Variants in ATR observed in about 807,000 individuals in gnomAD.
The protein encoded by ATR is serine/threonine-protein kinase ATR.
In ATR, 142 loss-of-function variants were observed where a neutral mutation model predicts 305.3. The observed-to-expected ratio is 0.47, with a 90% CI of 0.41 to 0.53. The LOEUF is 0.53. Among genes scored for constraint, ATR ranks in the 20% least tolerant of loss-of-function variants. The pLI, the probability that ATR is intolerant of heterozygous loss-of-function variation, is 0.00. For missense variants in ATR, 2,135 were observed against 3,133.1 expected (o/e 0.68, Z 7.60); for synonymous variants, 1,050 against 1,068.1 (o/e 0.98, Z 0.33).
rs758666784 is a variant in ATR at position 142,485,163 on chromosome 3, C to G, written c.6198G>C (p.Arg2066=). 2 of 1,614,104 alleles carry G rather than the reference C, an allele frequency of 1.2e-6. No homozygotes were observed. Among genetic ancestry groups the G allele is most frequent in the Non-Finnish European group, 8.5e-7 (1 of 1,180,010 alleles). Residue 2066 remains arginine (R), a synonymous_variant, in exon 36 of 47, where the codon CGG becomes CGC. Transcript: ENST00000350721. ...NKMEKQGDLI[R]YIVLHFGRSL... is the part of the protein sequence containing the mutation. Reference sequence around the variant, plus strand: ...ACCTGCCAAAATGAAGAACTATATACCGGATGAGATCACCTTGCTTTTCCA... The same window carrying G: ...ACCTGCCAAAATGAAGAACTATATAGCGGATGAGATCACCTTGCTTTTCCA...
chr3:142,481,529 A>T (rs2030484321), intron 36 of ATR, among the ~76,000 whole-genome samples: 1 of 152,192 alleles, frequency 6.6e-6, no homozygotes, highest in African/African-American at 2.4e-5. Context: ...GAAATCATAA[A>T]GCCAGTGGCT....
Position 142,562,530 on chromosome 3 carries a change from T to C in ATR, c.872A>G (p.Tyr291Cys). 1 of 1,613,802 alleles carries C rather than the reference T, an allele frequency of 6.2e-7. No individual in the cohort carries two copies. Among genetic ancestry groups the C allele is most frequent in the African/African-American group, 1.3e-5 (1 of 74,990 alleles). ...VEMDTDQLKLYEEPLSKLIKT... is the reference protein window; with the variant it reads ...VEMDTDQLKLCEEPLSKLIKT... ...TATCAGCTTTGATAATGGCTCTTCA[T>C]AGAGTTTCAATTGGTCAGTATCCAT... Residue 291 changes from tyrosine to cysteine, a missense_variant, in exon 4 of 47, where the codon TAT becomes TGT. This residue lies in a region of ATR where 744 missense variants were observed against 873.2 expected (regional missense o/e 0.85). Transcript: ENST00000350721.
At chr3:142,474,438 T>C (rs1015909985) in intron 36 of ATR, among the ~76,000 whole-genome samples, 4 of 152,182 alleles carry the variant, frequency 2.6e-5, no homozygotes, top group African/African-American at 7.2e-5. Context: ...TTTCATTGTA[T>C]AGGTCTTTTG....
chr3:142,493,090 A>G, intron 35 of ATR, 42 bp downstream of exon 35: 1 of 1,595,246 alleles, frequency 6.3e-7, no homozygotes. Context: ...CATTTTACGT[A>G]GTCAACAGAG....
rs746238491 is a variant in ATR, at chr3:142,550,316, C to A, written c.2806-14G>T. 6.2e-7 allele frequency: 1 copy of A among 1,612,848 alleles called. No individual in the cohort carries two copies. Among genetic ancestry groups the A allele is most frequent in the Admixed American group, 1.7e-5 (1 of 59,980 alleles). ...TTCTACCAAAAACTAGAGCAAAAAC[C>A]ATTTTATTGTGAGTTTTCACACAAA... On this transcript the variant is annotated splice_polypyrimidine_tract_variant and intron_variant, in intron 13 of 46. Coordinates refer to ENST00000350721, the MANE Select transcript of ATR (RefSeq NM_001184.4).
intron 1 of ATR, among the ~76,000 whole-genome samples, chr3:142,576,991 GCT>G (rs1453338474): frequency 6.6e-6 from 1 of 152,116 alleles, no homozygotes; most frequent in Non-Finnish European, 1.5e-5. Context: ...CTGAAACCTA[GCT>G]CTGTTATCTG....
intron 1 of ATR, among the ~76,000 whole-genome samples, chr3:142,573,217 G>A (rs1451116775): frequency 6.6e-6 from 1 of 151,598 alleles, no homozygotes; most frequent in African/African-American, 2.4e-5. Context: ...AGGCTGAGAC[G>A]GACTGATCAC....
At chr3:142,497,909 T>C (rs2031739322) in intron 32 of ATR, among the ~76,000 whole-genome samples, 1 of 152,170 alleles carries the variant, frequency 6.6e-6, no homozygotes, top group South Asian at 2.1e-4. Context: ...TTTTCCCCCT[T>C]GTATGATAGT....
At chr3:142,476,446 G>A (rs1287185420) in intron 36 of ATR, among the ~76,000 whole-genome samples, 2 of 151,886 alleles carry the variant, frequency 1.3e-5, no homozygotes. Flanking sequence ...CTGTTCCATT[G>A]GTCTATATCT....
intron 21 of ATR, among the ~76,000 whole-genome samples, chr3:142,528,429 T>C (rs1196214306): frequency 1.3e-5 from 2 of 152,154 alleles, no homozygotes; most frequent in Admixed American, 1.3e-4. Context: ...AATTATGGCA[T>C]TAAGCATTAA....
intron 18 of ATR, among the ~76,000 whole-genome samples, chr3:142,539,089 T>G (rs1484113657): frequency 1.3e-5 from 2 of 152,168 alleles, no homozygotes; most frequent in Non-Finnish European, 2.9e-5. Flanking sequence ...CAAGTGAACC[T>G]AACTAAATGT....
chr3:142,451,261 G>A lies in ATR; in HGVS notation c.7762-1659C>T. ...TGTGCAAGCTCCAGCTGTGGGACTG[G>A]CTAGCTGAGAGAAACAAACAGGGCC... is the stretch of plus-strand genomic sequence containing the variant. On this transcript the variant is annotated intron_variant, in intron 46 of 46. Coordinates refer to ENST00000350721, the MANE Select transcript of ATR (RefSeq NM_001184.4). 5.0e-6 allele frequency: 6 copies of A among 1,206,398 alleles called. 1 individual carries two copies. In the South Asian group the frequency reaches 8.0e-5, roughly 16 times the overall value. The allele number at this position is 1,206,398 out of a possible 1,614,324, so 74.7% of individuals were successfully genotyped here. A position where few individuals can be genotyped will look rare whatever the true frequency, so the allele number is the denominator to read the frequency against.
intron 16 of ATR, among the ~76,000 whole-genome samples, chr3:142,547,468 T>G (rs188328111): frequency 6.6e-6 from 1 of 152,330 alleles, no homozygotes; most frequent in Admixed American, 6.5e-5. Flanking sequence ...TATATGTTGT[T>G]AATGCCCTAA....
chr3:142,500,134 A>G lies in ATR; in HGVS notation c.5289-416T>C. The G allele has an allele frequency of 1.1e-5, 2 of 181,848 alleles. 1 individual carries two copies. Among genetic ancestry groups the G allele is most frequent in the South Asian group, 2.2e-4 (2 of 8,918 alleles). 11.3% of individuals were successfully genotyped at this position (181,848 alleles called of 1,614,324 possible). A position where few individuals can be genotyped will look rare whatever the true frequency, so the allele number is the denominator to read the frequency against. ...TTCCAATAACTCAGAATTCTGAATTAAATTTAAGACAAAAATACAGGGGGG... is the reference window on the plus strand; with the variant it reads ...TTCCAATAACTCAGAATTCTGAATTGAATTTAAGACAAAAATACAGGGGGG... On this transcript the variant is annotated intron_variant, in intron 30 of 46. Transcript: ENST00000350721.
rs371176601 is a variant in ATR, at chr3:142,449,525, C to T, written c.7839G>A (p.Pro2613=). 4.8e-5 allele frequency: 78 copies of T among 1,613,458 alleles called. No homozygotes were observed. The highest frequency in any genetic ancestry group is 4.0e-4 in the African/African-American group (30 of 74,906). The change falls in exon 47 of 47, where the codon CCG becomes CCA. Residue 2613 remains proline (P), a synonymous_variant. Coordinates refer to ENST00000350721, the MANE Select transcript of ATR (RefSeq NM_001184.4). The part of the protein sequence containing the change: ...IKTRNRVTGL[P]LSIEGHVHYL... ...AATGCACATGTCCTTCAATAGATAA[C>T]GGCAGTCCTGTCACTCTATTTCGAG...
At chr3:142,534,510 G>C (rs371115943) in intron 21 of ATR, among the ~76,000 whole-genome samples, 4 of 152,192 alleles carry the variant, frequency 2.6e-5, no homozygotes, top group East Asian at 1.9e-4. Flanking sequence ...ATGGGTTCTA[G>C]ATATGCAAAA....
rs759350161 is a variant in ATR at position 142,558,666 on chromosome 3, C to A, written c.1843G>T (p.Ala615Ser). Residue 615 changes from alanine (A) to serine (S), a missense_variant, in exon 8 of 47, where the codon GCT becomes TCT. Ala to Ser is a moderately conservative substitution (Grantham distance 99, BLOSUM62 1). Transcript: ENST00000350721. ...CTACAGCTTAATGTTAGAAGATTAG[C>A]GGCAAATGTGGTCAACTTTAAACAG... ...DGCLKLTTFA[A>S]NLLTLSCRIS... 6.2e-7 allele frequency: 1 copy of A among 1,613,122 alleles called. No homozygotes were observed. Among genetic ancestry groups the A allele is most frequent in the Non-Finnish European group, 8.5e-7 (1 of 1,179,516 alleles).
intron 45 of ATR, among the ~76,000 whole-genome samples, chr3:142,454,680 A>T (rs1400783605): frequency 1.3e-5 from 2 of 151,942 alleles, no homozygotes; most frequent in Middle Eastern, 3.2e-3. Flanking sequence ...TGACCTCGTG[A>T]TCCGCCCGCC....
At chr3:142,578,099 A>C (rs2035498892) in intron 1 of ATR, among the ~76,000 whole-genome samples, 2 of 152,218 alleles carry the variant, frequency 1.3e-5, no homozygotes, top group African/African-American at 4.8e-5. Flanking sequence ...TCACATCTTC[A>C]GTATGTACTA....
Sources: gnomAD v4.1 joint callset for allele counts (sites outside exome capture counted in the v4.1 genomes callset) on GRCh38, gnomAD v4.1.1 for gene constraint, gnomAD v4.1.1 regional missense constraint, MANE v1.5 for transcripts, NCBI Gene and HGNC (gene_info 2026-07-23, HGNC 2026-07-21) for gene names.